The following CYP17A1 variants were observed in gnomAD, a reference collection of about 807,000 sequenced individuals.
CYP17A1 encodes the protein cytochrome P450 family 17 subfamily A member 1, also known as steroid 17-alpha-hydroxylase/17,20 lyase.
Under a neutral mutation model 38.5 loss-of-function variants are expected in CYP17A1, and 27 were observed. The ratio of observed to expected loss-of-function variants is 0.70; its 90% CI spans 0.52 to 0.97. CYP17A1 has a LOEUF of 0.97. Ranked by LOEUF, CYP17A1 falls within the 50% of genes least tolerant of loss-of-function variation. The pLI is 0.00. For synonymous variants in CYP17A1, 263 were observed against 253.3 expected (o/e 1.04, Z -0.36); for missense variants, 549 against 645.9 (o/e 0.85, Z 1.63).
At chr10:102,832,854 A>C in intron 5 of CYP17A1, 139 bp downstream of exon 5, 2 of 1,516,294 alleles carry the variant, frequency 1.3e-6, no homozygotes, top group East Asian at 4.8e-5. Context: ...TCTGGGGTCA[A>C]AGCCAACTAC....
chr10:102,835,165 C>T lies in CYP17A1; in HGVS notation c.436+89G>A, dbSNP rs1844144033. ...AGAAAAGGCTGCATTGCGCTCTAGT[C>T]CTAACCCTTACCCCTGCCCAACCCT... On this transcript the variant is annotated intron_variant, in intron 2 of 7. Transcript: ENST00000369887. 2.3e-6 allele frequency: 3 copies of T among 1,295,014 alleles called. No homozygotes were observed. In the Admixed American group the frequency reaches 5.0e-5, roughly 22 times the overall value. The allele number at this position is 1,295,014 out of a possible 1,614,324, so 80.2% of individuals were successfully genotyped here. A position where few individuals can be genotyped will look rare whatever the true frequency, so the allele number is the denominator to read the frequency against.
In CYP17A1 at chr10:102,834,975, G is replaced by A. The variant is rs1393104952; in HGVS notation, c.476C>T (p.Thr159Ile). ...GATGTCTATGGACTGTCCGTTGTGG[G>A]TGGCCAGCATATCACACAATGTACT... is the stretch of plus-strand genomic sequence containing the variant. Reference protein sequence around the residue: ...EISTLCDMLATHNGQSIDISF... With the variant: ...EISTLCDMLAIHNGQSIDISF... The change falls in exon 3 of 8, where the codon ACC becomes ATC. Residue 159 changes from threonine to isoleucine, a missense_variant. Coordinates refer to ENST00000369887, the MANE Select transcript of CYP17A1 (RefSeq NM_000102.4). The A allele has an allele frequency of 6.2e-7, 1 of 1,610,516 alleles. No homozygotes were observed. Among genetic ancestry groups the A allele is most frequent in the Admixed American group, 1.7e-5 (1 of 60,024 alleles).
Position 102,832,500 on chromosome 10 carries a change from G to A in CYP17A1, c.1139+11C>T, listed in dbSNP as rs1477822575. 2 of 1,576,888 alleles carry A rather than the reference G, an allele frequency of 1.3e-6. No individual in the cohort carries two copies. The highest frequency in any genetic ancestry group is 2.2e-5 in the East Asian group (1 of 44,700). On this transcript the variant is annotated intron_variant, in intron 6 of 7. Transcript: ENST00000369887. ...TCATGGGGCTAGATGTCACTGGGAG[G>A]GCAGGCACACCTGGAGTCAACGTTG... is the stretch of plus-strand genomic sequence containing the variant.
Position 102,837,194 on chromosome 10 carries a change from C to A in CYP17A1, c.168G>T (p.Leu56=). 1 of 1,606,558 alleles carries A rather than the reference C, an allele frequency of 6.2e-7. No individual in the cohort carries two copies. The highest frequency in any genetic ancestry group is 8.5e-7 in the Non-Finnish European group (1 of 1,173,072). ...AATAGATGGGGCCATATTTTTTCTG[C>A]AGCTTGAAGAAGTTGTTATGCATAT... is the stretch of plus-strand genomic sequence containing the variant. ...HGHMHNNFFK[L]QKKYGPIYSV... Residue 56 remains leucine (L), a synonymous_variant, in exon 1 of 8, where the codon CTG becomes CTT. Coordinates refer to ENST00000369887, the MANE Select transcript of CYP17A1 (RefSeq NM_000102.4).
chr10:102,830,551 T>A lies in CYP17A1; in HGVS notation c.*151A>T. 1.6e-6 allele frequency: 1 copy of A among 612,426 alleles called. No homozygotes were observed. Among genetic ancestry groups the A allele is most frequent in the Non-Finnish European group, 2.9e-6 (1 of 344,104 alleles). 37.9% of individuals were successfully genotyped at this position (612,426 alleles called of 1,614,324 possible). ...GGACCTTATGGAAAAAAAAAAACTG[T>A]TTATGCACATCACTGGCATTGCCAC... On this transcript the variant is annotated 3_prime_UTR_variant, in exon 8 of 8. Transcript: ENST00000369887. This position sits in a 1 kb window ranked among gnomAD's most constrained non-coding sequence, Gnocchi z 4.1.
intron 4 of CYP17A1, chr10:102,833,458 G>GTTTTTT: frequency 5.3e-6 from 2 of 374,300 alleles, no homozygotes; most frequent in Non-Finnish European, 9.7e-6. Context: ...CCTTGAGTCA[G>GTTTTTT]TTTTTTTTTT....
At position 102,834,076 on chromosome 10, in the gene CYP17A1, A is replaced by G. The variant is rs760806773; in HGVS notation, c.713T>C (p.Ile238Thr). 8.2e-6 allele frequency: 11 copies of G among 1,339,140 alleles called. No homozygotes were observed. In the Admixed American group the frequency reaches 1.8e-4, roughly 22 times the overall value. 83.0% of individuals were successfully genotyped at this position (1,339,140 alleles called of 1,614,324 possible). A position where few individuals can be genotyped will look rare whatever the true frequency, so the allele number is the denominator to read the frequency against. Reference protein sequence around the residue: ...TLEKLKSHVKIRNDLLNKILE... With the variant: ...TLEKLKSHVKTRNDLLNKILE... ...TATTTTATTCAGCAGATCATTTCGT[A>G]TTTTAACATGGCTCTTTAATTTTTC... The change falls in exon 4 of 8, where the codon ATA becomes ACA. Residue 238 changes from isoleucine to threonine, a missense_variant. Around this residue, in one of 3 missense-constraint regions of CYP17A1, gnomAD observed 289 missense variants for 320.9 expected, o/e 0.90. Transcript: ENST00000369887.
Position 102,837,307 on chromosome 10 carries a change from TG to T in CYP17A1, c.54del (p.Lys19ArgfsTer56). 1 of 1,611,860 alleles carries T rather than the reference TG, an allele frequency of 6.2e-7. No homozygotes were observed. The highest frequency in any genetic ancestry group is 8.5e-7 in the Non-Finnish European group (1 of 1,177,940). On this transcript the variant is annotated frameshift_variant, in exon 1 of 8. Transcript: ENST00000369887. LOFTEE classifies it high-confidence loss of function. ...TACTTGGCACCAGGGCACCTTCTCTTGGGCCAAAACAAATAAGCTAGGGTAA... is the reference window on the plus strand; with the variant it reads ...TACTTGGCACCAGGGCACCTTCTCTTGGCCAAAACAAATAAGCTAGGGTAA... ...LLLTLAYLFW[P>X]KRRCPGAKYP... is the part of the protein sequence containing the mutation.
chr10:102,833,298 A>G, intron 4 of CYP17A1, 90 bp from the exon 5 acceptor site: 1 of 1,604,594 alleles, frequency 6.2e-7, no homozygotes, highest in Non-Finnish European at 8.5e-7. Flanking sequence ...TAGAGATAAC[A>G]AGGCTCCTTC....
Position 102,834,869 on chromosome 10 carries a change from C to G in CYP17A1, c.582G>C (p.Glu194Asp). 1 of 1,614,102 alleles carries G rather than the reference C, an allele frequency of 6.2e-7. No individual in the cohort carries two copies. Among genetic ancestry groups the G allele is most frequent in the Non-Finnish European group, 8.5e-7 (1 of 1,180,018 alleles). Reference protein sequence around the residue: ...FNTSYKNGDPELNVIQNYNEG... With the variant: ...FNTSYKNGDPDLNVIQNYNEG... ...CATTGTAATTCTGTATGACATTCAA[C>G]TCAGGGTCCCCATTCTTGTAGGAGG... Residue 194 changes from glutamate (E) to aspartate (D), a missense_variant, in exon 3 of 8, where the codon GAG becomes GAC. Physicochemically the swap from Glu to Asp is conservative, Grantham distance 45. Around this residue, in one of 3 missense-constraint regions of CYP17A1, gnomAD observed 289 missense variants for 320.9 expected, o/e 0.90. Transcript: ENST00000369887.
At chr10:102,836,909 G>A (rs912720705) in intron 1 of CYP17A1, 156 bp downstream of exon 1, 13 of 701,834 alleles carry the variant, frequency 1.9e-5, no homozygotes, top group South Asian at 1.5e-4. Flanking sequence ...CTGGGTGGGG[G>A]TCTGAAGGTT....
chr10:102,830,590 A>G lies in CYP17A1; in HGVS notation c.*112T>C, dbSNP rs1392862549. 36 of 692,846 alleles carry G rather than the reference A, an allele frequency of 5.2e-5. No homozygotes were observed. Among genetic ancestry groups the G allele is most frequent in the East Asian group, 2.4e-4 (9 of 36,764 alleles). 42.9% of individuals were successfully genotyped at this position (692,846 alleles called of 1,614,324 possible). On this transcript the variant is annotated 3_prime_UTR_variant, in exon 8 of 8. Transcript: ENST00000369887. This position sits in a 1 kb window ranked among gnomAD's most constrained non-coding sequence, Gnocchi z 4.1. ...TGGCATTGCCACAAGCTGAAAAAGAAGGCAGAGTGGGTTGGGAGTAGGGAA... is the reference window on the plus strand; with the variant it reads ...TGGCATTGCCACAAGCTGAAAAAGAGGGCAGAGTGGGTTGGGAGTAGGGAA...
chr10:102,833,811 C>T (rs772933732), intron 4 of CYP17A1: 8 of 484,902 alleles, frequency 1.6e-5, no homozygotes, highest in South Asian at 4.4e-5. Flanking sequence ...AGGCTCATCT[C>T]GAACTCCTGA....
At position 102,830,934 on chromosome 10, in the gene CYP17A1, T is replaced by C; in HGVS notation, c.1295A>G (p.Tyr432Cys). Reference sequence around the variant, plus strand: ...GCGAGGTCCTGCTCCGAAGGGCAAATAGCTTACTGACGGTGAGATGAGCTG... The same window carrying C: ...GCGAGGTCCTGCTCCGAAGGGCAAACAGCTTACTGACGGTGAGATGAGCTG... ...GTQLISPSVS[Y>C]LPFGAGPRSC... The change falls in exon 8 of 8, where the codon TAT becomes TGT. Residue 432 changes from tyrosine (Y) to cysteine (C), a missense_variant. Tyr to Cys is a radical substitution (Grantham distance 194, BLOSUM62 -2). Transcript: ENST00000369887. The surrounding 1 kb of genome is among the most constrained non-coding windows in gnomAD (Gnocchi z 4.1). 1 of 1,576,294 alleles carries C rather than the reference T, an allele frequency of 6.3e-7. No homozygotes were observed. Among genetic ancestry groups the C allele is most frequent in the Non-Finnish European group, 8.6e-7 (1 of 1,157,634 alleles).
rs181852494 is a variant in CYP17A1, at chr10:102,832,697, G to A, written c.970-17C>T. ...CTTCTTCACCTGAAGACCAGAGTAG[G>A]TTGGAGGTGACTAGTGTGTGTAAGC... On this transcript the variant is annotated splice_polypyrimidine_tract_variant and intron_variant, in intron 5 of 7. Coordinates refer to ENST00000369887, the MANE Select transcript of CYP17A1 (RefSeq NM_000102.4). The A allele has an allele frequency of 2.3e-5, 36 of 1,561,882 alleles. No individual in the cohort carries two copies. In the East Asian group the frequency reaches 2.5e-4, roughly 11 times the overall value.
Position 102,837,254 on chromosome 10 carries a change from C to G in CYP17A1, c.108G>C (p.Leu36=), listed in dbSNP as rs112892739. The part of the protein sequence containing the change: ...KYPKSLLSLP[L]VGSLPFLPRH... ...TGGGGAGGAATGGCAGGCTGCCCAC[C>G]AGGGGCAGGGACAGGAGGCTCTTGG... The change falls in exon 1 of 8, where the codon CTG becomes CTC. Residue 36 remains leucine, a synonymous_variant. Coordinates refer to ENST00000369887, the MANE Select transcript of CYP17A1 (RefSeq NM_000102.4). 19 of 1,601,172 alleles carry G rather than the reference C, an allele frequency of 1.2e-5. No homozygotes were observed. The highest frequency in any genetic ancestry group is 1.1e-4 in the African/African-American group (8 of 74,796).
At chr10:102,833,389 G>C (rs1169366249) in intron 4 of CYP17A1, 181 bp from the exon 5 acceptor site, 31 of 1,229,268 alleles carry the variant, frequency 2.5e-5, no homozygotes, top group Middle Eastern at 5.6e-4. Context: ...TTTAAATTTG[G>C]TGGAGAGGTT....
chr10:102,833,828 T>C (rs1287899165), intron 4 of CYP17A1: 16 of 514,180 alleles, frequency 3.1e-5, no homozygotes, highest in Non-Finnish European at 4.9e-5. Flanking sequence ...CTGACCTCAA[T>C]TGATCTGCCC....
At chr10:102,833,233 A>G in intron 4 of CYP17A1, 25 bp from the exon 5 acceptor site, 8 of 1,614,010 alleles carry the variant, frequency 5.0e-6, no homozygotes, top group East Asian at 2.2e-5. Context: ...GTTGGGAGAC[A>G]TTAATAAGGA....
Sources: allele counts gnomAD v4.1 joint callset, GRCh38; gene constraint gnomAD v4.1.1; regional missense constraint gnomAD v4.1.1; non-coding constraint Gnocchi (gnomAD v3.1); transcripts MANE v1.5; gene names NCBI Gene and HGNC (gene_info 2026-07-23, HGNC 2026-07-21).